Variants in NCOA1 observed in about 807,000 individuals in gnomAD.
NCOA1 encodes the protein nuclear receptor coactivator 1, also known as Hin-2 protein.
A neutral mutation model predicts 150.9 loss-of-function variants in NCOA1; 35 were observed. The observed-to-expected ratio is 0.23, with a 90% CI of 0.18 to 0.31. The LOEUF is 0.31. Ranked by LOEUF, NCOA1 falls within the 10% of genes least tolerant of loss-of-function variation. The probability of loss-of-function intolerance (pLI) is 1.00; values close to 1 mark genes in which losing one functional copy is unlikely to be tolerated. For missense variants in NCOA1, 1,491 were observed against 1,749.3 expected, an observed-to-expected ratio of 0.85 and a Z score of 2.63; for synonymous variants, 590 against 630.0, an observed-to-expected ratio of 0.94 and a Z score of 0.95.
chr2:24,659,765 T>C (rs1479611292), intron 5 of NCOA1, among the ~76,000 whole-genome samples: 1 of 152,168 alleles, frequency 6.6e-6, no homozygotes, highest in African/African-American at 2.4e-5. Flanking sequence ...GTGGGGGAGC[T>C]GTCCTGTATT....
intron 3 of NCOA1, among the ~76,000 whole-genome samples, chr2:24,606,044 A>G (rs878916951): frequency 1.3e-5 from 2 of 152,114 alleles, no homozygotes; most frequent in Admixed American, 1.3e-4. Flanking sequence ...TGTGTTCTCT[A>G]GATTACCTTT....
At chr2:24,696,180 T>TA (rs1395542360) in intron 10 of NCOA1, among the ~76,000 whole-genome samples, 4 of 152,200 alleles carry the variant, frequency 2.6e-5, no homozygotes, top group Non-Finnish European at 4.4e-5. Context: ...ACTTAGGTGA[T>TA]AACCTGATCA....
chr2:24,752,295 C>A, intron 20 of NCOA1, 139 bp downstream of exon 20: 2 of 970,356 alleles, frequency 2.1e-6, no homozygotes, highest in Non-Finnish European at 3.0e-6. Flanking sequence ...CATATGGCTA[C>A]ATTTATATGA....
At chr2:24,711,649 T>C (rs939083653) in intron 14 of NCOA1, among the ~76,000 whole-genome samples, 3 of 152,242 alleles carry the variant, frequency 2.0e-5, no homozygotes, top group African/African-American at 7.2e-5. Flanking sequence ...AAGTAATACA[T>C]GTTATACCAC....
intron 4 of NCOA1, among the ~76,000 whole-genome samples, chr2:24,651,387 C>T (rs1206893975): frequency 6.6e-6 from 1 of 151,998 alleles, no homozygotes; most frequent in South Asian, 2.1e-4. Context: ...AGGAGGAGAT[C>T]CTGCCATTTG....
In NCOA1 at chr2:24,665,881, C is replaced by T. The variant is rs758611823; in HGVS notation, c.222C>T (p.Val74=). 22 of 1,591,076 alleles carry T rather than the reference C, an allele frequency of 1.4e-5. No individual in the cohort carries two copies. The highest frequency in any genetic ancestry group is 1.7e-5 in the Non-Finnish European group (20 of 1,168,290). ...AATGCAAGATTTTGAAGAAAACAGT[C>T]GATCAGATACAGCTAATGAAGAGAA... ...PDKCKILKKT[V]DQIQLMKRME... is the part of the protein sequence containing the mutation. Residue 74 remains valine, a synonymous_variant, in exon 6 of 23, where the codon GTC becomes GTT. Coordinates refer to ENST00000348332, the MANE Select transcript of NCOA1 (RefSeq NM_003743.5).
chr2:24,737,732 T>C (rs1355513165), intron 17 of NCOA1, among the ~76,000 whole-genome samples: 2 of 152,216 alleles, frequency 1.3e-5, no homozygotes, highest in East Asian at 3.9e-4. Context: ...CTGCCGTAGA[T>C]GTGTCCGTCT....
intron 1 of NCOA1, among the ~76,000 whole-genome samples, chr2:24,500,177 C>T (rs909876555): frequency 1.3e-5 from 2 of 151,996 alleles, no homozygotes; most frequent in Admixed American, 6.5e-5. Flanking sequence ...GGCGCGATCT[C>T]GGCTCACTGC....
intron 2 of NCOA1, among the ~76,000 whole-genome samples, chr2:24,571,414 A>G (rs1349673099): frequency 6.6e-6 from 1 of 152,214 alleles, no homozygotes; most frequent in Non-Finnish European, 1.5e-5. Flanking sequence ...TTTACTGTAT[A>G]GTGCTTACTG....
At chr2:24,679,940 C>T (rs895794057) in intron 7 of NCOA1, among the ~76,000 whole-genome samples, 28 of 152,110 alleles carry the variant, frequency 1.8e-4, no homozygotes, top group Non-Finnish European at 3.4e-4. Context: ...GGTTGTGCTT[C>T]AATCTTGTTT....
chr2:24,669,233 G>A (rs1671577672), intron 6 of NCOA1, among the ~76,000 whole-genome samples: 1 of 152,110 alleles, frequency 6.6e-6, no homozygotes, highest in Admixed American at 6.5e-5. Context: ...AAAATACAAT[G>A]GTTTTAAAAA....
At chr2:24,533,359 G>A (rs1430280337) in intron 1 of NCOA1, among the ~76,000 whole-genome samples, 4 of 152,018 alleles carry the variant, frequency 2.6e-5, no homozygotes, top group Non-Finnish European at 5.9e-5. Flanking sequence ...GAGACGATGC[G>A]GTTTTCTAAA....
intron 2 of NCOA1, among the ~76,000 whole-genome samples, chr2:24,567,959 G>A (rs532346536): frequency 6.6e-6 from 1 of 152,192 alleles, no homozygotes; most frequent in South Asian, 2.1e-4. Flanking sequence ...GGCCAGGCTG[G>A]TCTTGAACTC....
At chr2:24,518,585 A>G (rs574799377) in intron 1 of NCOA1, among the ~76,000 whole-genome samples, 1 of 152,324 alleles carries the variant, frequency 6.6e-6, no homozygotes, top group South Asian at 2.1e-4. Flanking sequence ...ATCTACGGAT[A>G]GATTCTACAA....
intron 3 of NCOA1, among the ~76,000 whole-genome samples, chr2:24,597,076 G>T (rs573448610): frequency 2.5e-4 from 38 of 152,242 alleles, no homozygotes; most frequent in African/African-American, 8.7e-4. Flanking sequence ...TGCTTAGGGT[G>T]TATAATTGGT....
At chr2:24,496,526 T>C (rs1225491376) in intron 1 of NCOA1, among the ~76,000 whole-genome samples, 2 of 152,242 alleles carry the variant, frequency 1.3e-5, no homozygotes, top group Non-Finnish European at 2.9e-5. Context: ...GCTTGATTTT[T>C]ATCACTCCCT....
At chr2:24,510,174 C>T (rs1663875117) in intron 1 of NCOA1, among the ~76,000 whole-genome samples, 2 of 151,740 alleles carry the variant, frequency 1.3e-5, no homozygotes, top group African/African-American at 2.4e-5. Context: ...CTCAGCCTCC[C>T]CAGTAGCTGG....
chr2:24,537,952 A>G (rs531538183), intron 1 of NCOA1, among the ~76,000 whole-genome samples: 1 of 152,352 alleles, frequency 6.6e-6, no homozygotes, highest in African/African-American at 2.4e-5. Flanking sequence ...GGGACAATCC[A>G]TAGCAAAAAC....
At chr2:24,723,787 A>G (rs962527547) in intron 14 of NCOA1, among the ~76,000 whole-genome samples, 3 of 152,152 alleles carry the variant, frequency 2.0e-5, no homozygotes, top group Admixed American at 2.0e-4. Flanking sequence ...TTCTTTGTCT[A>G]CATCATGTTT....
Sources: allele counts gnomAD v4.1 joint callset (sites outside exome capture counted in the v4.1 genomes callset), GRCh38; gene constraint gnomAD v4.1.1; transcripts MANE v1.5; gene names NCBI Gene and HGNC (gene_info 2026-07-23, HGNC 2026-07-21).